Variants in BRWD1 observed in about 807,000 individuals in gnomAD.
The protein encoded by BRWD1 is bromodomain and WD repeat-containing protein 1.
In BRWD1, 82 loss-of-function variants were observed where a neutral mutation model predicts 251.2. The observed-to-expected ratio is 0.33, with a 90% CI of 0.27 to 0.39. BRWD1 has a LOEUF of 0.39. Among genes scored for constraint, BRWD1 ranks in the 10% least tolerant of loss-of-function variants. The pLI is 1.00. For missense variants in BRWD1, 2,233 were observed against 2,711.6 expected, an observed-to-expected ratio of 0.82 and a Z score of 3.92; for synonymous variants, 918 against 902.8, an observed-to-expected ratio of 1.02 and a Z score of -0.30.
chr21:39,237,800 T>C (rs2033861742), intron 22 of BRWD1, among the ~76,000 whole-genome samples: 1 of 152,208 alleles, frequency 6.6e-6, no homozygotes, highest in Non-Finnish European at 1.5e-5. Flanking sequence ...GTTATATTTC[T>C]GTTATGTGTA....
chr21:39,207,861 C>T (rs2032480282), intron 36 of BRWD1, among the ~76,000 whole-genome samples: 3 of 152,146 alleles, frequency 2.0e-5, no homozygotes, highest in Admixed American at 2.0e-4. Context: ...ATGCATAAGC[C>T]TTTAAGGCAT....
chr21:39,245,640 C>T (rs2034161066), intron 21 of BRWD1, among the ~76,000 whole-genome samples: 1 of 144,460 alleles, frequency 6.9e-6, no homozygotes, highest in East Asian at 2.0e-4. Flanking sequence ...CGCTCTGATG[C>T]TCAGGCTGGA....
At position 39,188,093 on chromosome 21, in the gene BRWD1, G is replaced by A. The variant is rs2031347305; in HGVS notation, c.*8166C>T. ...TACTCCGTGCTGACCAAACTTAGGA[G>A]GGCTCAGATATGTTTGTTACCAGTG... On this transcript the variant is annotated 3_prime_UTR_variant, in exon 41 of 41. Transcript: ENST00000342449. 7.1e-6 allele frequency: 7 copies of A among 985,266 alleles called. No homozygotes were observed. The highest frequency in any genetic ancestry group is 4.7e-5 in the South Asian group (1 of 21,286). 61.0% of individuals were successfully genotyped at this position (985,266 alleles called of 1,614,324 possible). A position where few individuals can be genotyped will look rare whatever the true frequency, so the allele number is the denominator to read the frequency against.
At chr21:39,314,016 C>A (rs1478322073), upstream of BRWD1, 3 of 453,966 alleles carry the variant, frequency 6.6e-6, no homozygotes, top group African/African-American at 6.0e-5. Flanking sequence ...GTCCTCTACG[C>A]GGGACCGCAG....
chr21:39,256,392 G>C (rs1201305608), intron 18 of BRWD1, among the ~76,000 whole-genome samples: 1 of 152,202 alleles, frequency 6.6e-6, no homozygotes. Context: ...TGATTCTCAA[G>C]AGATAATCTG....
intron 40 of BRWD1, among the ~76,000 whole-genome samples, chr21:39,198,177 C>G (rs901466044): frequency 2.0e-5 from 3 of 152,138 alleles, no homozygotes; most frequent in African/African-American, 7.2e-5. Context: ...CCCCATGTAC[C>G]AGGGGTACAA....
chr21:39,297,306 T>C, intron 5 of BRWD1: 1 of 985,468 alleles, frequency 1.0e-6, no homozygotes, highest in Non-Finnish European at 1.2e-6. Flanking sequence ...AATGGATTCA[T>C]TACCACTATC....
chr21:39,307,466 T>C (rs2036325227), intron 4 of BRWD1, among the ~76,000 whole-genome samples: 1 of 152,172 alleles, frequency 6.6e-6, no homozygotes. Flanking sequence ...TATATGTTTG[T>C]ATGTATATAT....
intron 25 of BRWD1, among the ~76,000 whole-genome samples, chr21:39,230,842 A>G (rs1415537949): frequency 1.3e-5 from 2 of 152,070 alleles, no homozygotes; most frequent in East Asian, 1.9e-4. Context: ...ACCTTGTTCA[A>G]CCTCAACTAG....
chr21:39,236,799 T>C lies in BRWD1; in HGVS notation c.2577-15A>G, dbSNP rs1396973107. On this transcript the variant is annotated splice_polypyrimidine_tract_variant and intron_variant, in intron 22 of 40. Coordinates refer to ENST00000342449, the MANE Select transcript of BRWD1 (RefSeq NM_033656.4). ...ATGAAGAGTCACTAGAAAAGGGGAGTGCTTTCAGTTGAATGGAGCCAGAAT... is the reference window on the plus strand; with the variant it reads ...ATGAAGAGTCACTAGAAAAGGGGAGCGCTTTCAGTTGAATGGAGCCAGAAT... The C allele has an allele frequency of 6.2e-7, 1 of 1,607,280 alleles. No homozygotes were observed. The highest frequency in any genetic ancestry group is 2.2e-5 in the East Asian group (1 of 44,776).
In BRWD1 at chr21:39,199,256, T is replaced by C. The variant is rs767599211; in HGVS notation, c.5160A>G (p.Ser1720=). ...SNVDESENRD[S]ESESDLRVAR... ...CTACCCGCAAATCACTTTCTGACTC[T>C]GAGTCTCTGTTTTCAGATTCATCAA... The change falls in exon 40 of 41, where the codon TCA becomes TCG. Residue 1720 remains serine, a synonymous_variant. Coordinates refer to ENST00000342449, the MANE Select transcript of BRWD1 (RefSeq NM_033656.4). The C allele has an allele frequency of 2.5e-6, 4 of 1,614,142 alleles. No homozygotes were observed. The highest frequency in any genetic ancestry group is 3.4e-6 in the Non-Finnish European group (4 of 1,180,054).
rs2035008414 is a variant in BRWD1, at chr21:39,268,790, T to A, written c.1530+1109A>T. The stretch of plus-strand genomic sequence containing the variant: ...TCATGAGGTCAAGAGATGGAGACCA[T>A]CCTGGCTAACACGGTGAAACCCCGT... On this transcript the variant is annotated intron_variant, in intron 15 of 40. Coordinates refer to ENST00000342449, the MANE Select transcript of BRWD1 (RefSeq NM_033656.4). Among the ~76,000 whole-genome samples the A allele has an allele frequency of 2.0e-5, 3 of 152,024 alleles. 1 individual carries two copies. The highest frequency in any genetic ancestry group is 4.1e-4 in the South Asian group (2 of 4,830).
At chr21:39,294,214 A>C (rs1317350818) in intron 7 of BRWD1, among the ~76,000 whole-genome samples, 182 bp from the exon 8 acceptor site, 1 of 152,198 alleles carries the variant, frequency 6.6e-6, no homozygotes, top group Non-Finnish European at 1.5e-5. Context: ...ATTTTTCTTT[A>C]AGGCAAAGAC....
At chr21:39,320,549 G>A (rs1297099446) in intron 1 of BRWD1, among the ~76,000 whole-genome samples, 1 of 151,988 alleles carries the variant, frequency 6.6e-6, no homozygotes, top group African/African-American at 2.4e-5. Flanking sequence ...TGTCCAGGTT[G>A]GTCTCGAACT....
downstream of BRWD1, chr21:39,185,316 A>AAAC (rs1180324670): frequency 6.7e-6 from 1 of 149,868 alleles, no homozygotes; most frequent in African/African-American, 2.4e-5. Context: ...AAAAAAAAAA[A>AAAC]AAAAAACTTT....
rs754223547 is a variant in BRWD1 at position 39,274,339 on chromosome 21, C to T, written c.1244+35G>A. 3 of 1,491,814 alleles carry T rather than the reference C, an allele frequency of 2.0e-6. No homozygotes were observed. In the African/African-American group the frequency reaches 4.2e-5, roughly 21 times the overall value. 92.4% of individuals were successfully genotyped at this position (1,491,814 alleles called of 1,614,324 possible). A position where few individuals can be genotyped will look rare whatever the true frequency, so the allele number is the denominator to read the frequency against. On this transcript the variant is annotated intron_variant, in intron 13 of 40. Coordinates refer to ENST00000342449, the MANE Select transcript of BRWD1 (RefSeq NM_033656.4). Reference sequence around the variant, plus strand: ...AGAGAGAGAGAGACAGATCGAACACCTATGATGCACCTACTTCTAACAATC... The same window carrying T: ...AGAGAGAGAGAGACAGATCGAACACTTATGATGCACCTACTTCTAACAATC...
intron 19 of BRWD1, among the ~76,000 whole-genome samples, chr21:39,252,792 T>C (rs976506751): frequency 7.2e-6 from 1 of 138,180 alleles, no homozygotes; most frequent in African/African-American, 2.8e-5. Context: ...TAGCTTATTA[T>C]GGTCAAATGA....
intron 1 of BRWD1, among the ~76,000 whole-genome samples, chr21:39,319,104 G>C (rs568308423): frequency 6.6e-5 from 10 of 152,098 alleles, no homozygotes; most frequent in Non-Finnish European, 1.0e-4. Flanking sequence ...GAAGGTATCT[G>C]ATCTTTTGAT....
chr21:39,307,997 A>C (rs1452553667), intron 4 of BRWD1, among the ~76,000 whole-genome samples: 1 of 152,212 alleles, frequency 6.6e-6, no homozygotes, highest in East Asian at 1.9e-4. Flanking sequence ...GGTAGAGACT[A>C]GAAACTTGGG....
Sources: allele counts gnomAD v4.1 joint callset (sites outside exome capture counted in the v4.1 genomes callset), GRCh38; gene constraint gnomAD v4.1.1; transcripts MANE v1.5; gene names NCBI Gene and HGNC (gene_info 2026-07-23, HGNC 2026-07-21).